SPATA16: variants seen among roughly 807,000 people sequenced by gnomAD.
The protein encoded by SPATA16 is spermatogenesis associated 16, also known as spermatogenesis-associated protein 16.
A neutral mutation model predicts 63.3 loss-of-function variants in SPATA16; 36 were observed. The ratio of observed to expected loss-of-function variants is 0.57; its 90% CI spans 0.44 to 0.75. The LOEUF (loss-of-function observed/expected upper bound fraction) is 0.75, where lower values mean the gene tolerates loss of function less well. Ranked by LOEUF, SPATA16 falls within the 30% of genes least tolerant of loss-of-function variation. The pLI is 0.00. For missense variants in SPATA16, 646 were observed against 679.3 expected, an observed-to-expected ratio of 0.95 and a Z score of 0.54; for synonymous variants, 203 against 216.7, an observed-to-expected ratio of 0.94 and a Z score of 0.56.
At chr3:173,126,856 G>C (rs1004235717) in intron 1 of SPATA16, among the ~76,000 whole-genome samples, 12 of 152,142 alleles carry the variant, frequency 7.9e-5, no homozygotes, top group African/African-American at 2.4e-4. Flanking sequence ...AAGGTAAATT[G>C]TTGTCACAAT....
chr3:172,911,022 C>CT (rs1299759906), intron 10 of SPATA16, among the ~76,000 whole-genome samples: 2 of 152,166 alleles, frequency 1.3e-5, no homozygotes, highest in Non-Finnish European at 2.9e-5. Flanking sequence ...AATTCCATTT[C>CT]TTTTTTGCCA....
chr3:173,116,996 A>G, intron 2 of SPATA16, 124 bp downstream of exon 2: 1 of 1,016,242 alleles, frequency 9.8e-7, no homozygotes, highest in Non-Finnish European at 1.5e-6. Flanking sequence ...AAATCCTAAT[A>G]TCATTACATA....
intron 6 of SPATA16, among the ~76,000 whole-genome samples, chr3:172,941,059 C>T (rs11915930): frequency 0.088 from 13,358 of 151,932 alleles, 1,962 homozygotes; most frequent in African/African-American, 0.31. Context: ...AGTGGAAAAA[C>T]AATTACTGGA....
At chr3:172,889,817 GA>G (rs1247176074) in intron 10 of SPATA16, 125 bp from the exon 11 acceptor site, 1 of 1,337,276 alleles carries the variant, frequency 7.5e-7, no homozygotes, top group African/African-American at 1.5e-5. Context: ...AGAACTGGCA[GA>G]AACAGAAATG....
At position 173,032,773 on chromosome 3, in the gene SPATA16, G is replaced by A. The variant is rs9872017; in HGVS notation, c.759-13198C>T. On this transcript the variant is annotated intron_variant, in intron 3 of 10. Coordinates refer to ENST00000351008, the MANE Select transcript of SPATA16 (RefSeq NM_031955.6). ...CTCAGTTAATTACTCTTTATCCACC[G>A]CAGACTTCTCCATAATGGGAAGTAA... is the stretch of plus-strand genomic sequence containing the variant. Among the ~76,000 whole-genome samples, 579 of 151,904 alleles carry A rather than the reference G, an allele frequency of 3.8e-3. 6 individuals carry two copies. Among genetic ancestry groups the A allele is most frequent in the African/African-American group, 0.013 (552 of 41,436 alleles).
chr3:173,056,200 T>G (rs1372776384), intron 2 of SPATA16, among the ~76,000 whole-genome samples: 1 of 152,220 alleles, frequency 6.6e-6, no homozygotes, highest in East Asian at 1.9e-4. Context: ...TTTTAGGATG[T>G]TTGCTATAAA....
At chr3:173,018,562 CAG>C (rs1403703278) in intron 4 of SPATA16, among the ~76,000 whole-genome samples, 1 of 152,186 alleles carries the variant, frequency 6.6e-6, no homozygotes, top group Non-Finnish European at 1.5e-5. Context: ...AGGCTTGACA[CAG>C]TGTCAATTTT....
At chr3:173,068,816 T>TA (rs35439377) in intron 2 of SPATA16, among the ~76,000 whole-genome samples, 9,475 of 142,698 alleles carry the variant, frequency 0.066, 403 homozygotes, top group African/African-American at 0.11. Context: ...CCCAAATTAG[T>TA]AAAAAAAAAA....
intron 4 of SPATA16, among the ~76,000 whole-genome samples, chr3:172,993,503 AAAGACGG>A (rs1204731693): frequency 6.6e-6 from 1 of 152,230 alleles, no homozygotes; most frequent in African/African-American, 2.4e-5. Context: ...GTCATCTGTG[AAAGACGG>A]AATGATGATG....
Position 173,122,001 on chromosome 3 carries a change from A to G in SPATA16, c.-18-4252T>C, listed in dbSNP as rs538870957. Among the ~76,000 whole-genome samples the G allele has an allele frequency of 1.1e-4, 17 of 152,322 alleles. No homozygotes were observed. The South Asian group carries it at 3.5e-3, about 32-fold the overall frequency. ...CTTTAATCATTACTTCAATAAAAAT[A>G]CTTAAAAACTATTAGACCATCATTA... On this transcript the variant is annotated intron_variant, in intron 1 of 10. Coordinates refer to ENST00000351008, the MANE Select transcript of SPATA16 (RefSeq NM_031955.6).
intron 3 of SPATA16, among the ~76,000 whole-genome samples, chr3:173,022,900 T>C (rs898665129): frequency 3.3e-5 from 5 of 152,074 alleles, no homozygotes; most frequent in African/African-American, 1.2e-4. Context: ...ATAGACGTCA[T>C]TGAATTTTTG....
intron 4 of SPATA16, among the ~76,000 whole-genome samples, chr3:173,015,680 A>G (rs1451249160): frequency 6.6e-6 from 1 of 152,062 alleles, no homozygotes; most frequent in Non-Finnish European, 1.5e-5. Flanking sequence ...TTAATTCACA[A>G]CCCCCTAACT....
chr3:173,089,556 A>C (rs1440701349), intron 2 of SPATA16, among the ~76,000 whole-genome samples: 1 of 152,128 alleles, frequency 6.6e-6, no homozygotes, highest in African/African-American at 2.4e-5. Flanking sequence ...CTTCTGCGGG[A>C]AAATGAACCA....
At chr3:172,922,261 A>G (rs551664205) in intron 8 of SPATA16, among the ~76,000 whole-genome samples, 1 of 152,324 alleles carries the variant, frequency 6.6e-6, no homozygotes, top group Non-Finnish European at 1.5e-5. Flanking sequence ...TCTTTGAAAC[A>G]ATCTTCCAAA....
At position 173,117,628 on chromosome 3, in the gene SPATA16, G is replaced by A. The variant is rs200483368; in HGVS notation, c.104C>T (p.Ala35Val). 170 of 1,613,830 alleles carry A rather than the reference G, an allele frequency of 1.1e-4. No individual in the cohort carries two copies. In the Admixed American group the frequency reaches 1.4e-3, roughly 13 times the overall value. Residue 35 changes from alanine (A) to valine (V), a missense_variant, in exon 2 of 11, where the codon GCG (alanine) becomes GTG (valine). Ala to Val is a moderately conservative substitution (Grantham distance 64). Transcript: ENST00000351008. ...CATTTCCAGGATGTTAGGTGGGTGC[G>A]CTAAGGTGGACATTTTCTTGCTTGT... ...INTSKKMSTL[A>V]HPPNILEMSQ...
At chr3:172,976,943 C>T (rs1734174099) in intron 5 of SPATA16, 25 bp downstream of exon 5, 1 of 1,596,898 alleles carries the variant, frequency 6.3e-7, no homozygotes, top group East Asian at 2.2e-5. Flanking sequence ...GGTTTCTCCT[C>T]CCTAGTTGGG....
At chr3:172,901,149 T>C (rs1327618530) in intron 10 of SPATA16, among the ~76,000 whole-genome samples, 1 of 152,234 alleles carries the variant, frequency 6.6e-6, no homozygotes, top group Non-Finnish European at 1.5e-5. Context: ...CTTAAATGTG[T>C]TTGTAATTGC....
At chr3:173,108,466 A>G (rs1233241091) in intron 2 of SPATA16, among the ~76,000 whole-genome samples, 2 of 152,180 alleles carry the variant, frequency 1.3e-5, no homozygotes, top group East Asian at 1.9e-4. Context: ...AGTATTTTCA[A>G]TGCTAGTCGT....
intron 5 of SPATA16, among the ~76,000 whole-genome samples, chr3:172,959,074 AT>A (rs1560079265): frequency 7.0e-6 from 1 of 142,494 alleles, no homozygotes; most frequent in Non-Finnish European, 1.5e-5. Context: ...TTTTGCTTTA[AT>A]TTCTGGATTA....
Sources: allele counts gnomAD v4.1 joint callset (sites outside exome capture counted in the v4.1 genomes callset), GRCh38; gene constraint gnomAD v4.1.1; transcripts MANE v1.5; gene names NCBI Gene and HGNC (gene_info 2026-07-23, HGNC 2026-07-21).